Variants in LHFPL2 observed in about 807,000 individuals in gnomAD.
The protein encoded by LHFPL2 is LHFPL tetraspan subfamily member 2 protein.
A neutral mutation model predicts 17.5 loss-of-function variants in LHFPL2; 7 were observed. The observed-to-expected ratio is 0.40, with a 90% CI of 0.23 to 0.75. The LOEUF (loss-of-function observed/expected upper bound fraction) is 0.75. Among genes scored for constraint, LHFPL2 ranks in the 30% least tolerant of loss-of-function variants. LHFPL2 has a pLI of 0.37. For synonymous variants in LHFPL2, 134 were observed against 116.2 expected (o/e 1.15, Z -0.99); for missense variants, 241 against 294.8 (o/e 0.82, Z 1.34).
chr5:78,600,703 G>A (rs1743983025), intron 2 of LHFPL2, among the ~76,000 whole-genome samples: 1 of 152,158 alleles, frequency 6.6e-6, no homozygotes, highest in Non-Finnish European at 1.5e-5. Flanking sequence ...ACTGCAGCCT[G>A]GGCAACAAGA....
At chr5:78,525,149 C>A (rs78549564) in intron 3 of LHFPL2, among the ~76,000 whole-genome samples, 3,873 of 152,248 alleles carry the variant, frequency 0.025, 166 homozygotes, top group African/African-American at 0.087. Flanking sequence ...TTAGACACTG[C>A]TGAATGTTCC....
At chr5:78,558,253 T>G (rs1756633572) in intron 3 of LHFPL2, among the ~76,000 whole-genome samples, 2 of 152,250 alleles carry the variant, frequency 1.3e-5, no homozygotes. Context: ...ATACATTCGT[T>G]ATACAGGGAT....
Position 78,522,990 on chromosome 5 carries a change from G to T in LHFPL2, c.-185-12592C>A, listed in dbSNP as rs1163279971. On this transcript the variant is annotated intron_variant, in intron 3 of 4. Transcript: ENST00000380345. ...ATCTGTTGTATAACCCCAGATGGTCGCATAAAAACACTTCTTAATAGAAGT... is the reference window on the plus strand; with the variant it reads ...ATCTGTTGTATAACCCCAGATGGTCTCATAAAAACACTTCTTAATAGAAGT... Among the ~76,000 whole-genome samples, 3 of 152,114 alleles carry T rather than the reference G, an allele frequency of 2.0e-5. No homozygotes were observed. The East Asian group carries it at 5.8e-4, about 29-fold the overall frequency.
chr5:78,579,424 G>A (rs1376723233), intron 2 of LHFPL2, among the ~76,000 whole-genome samples: 2 of 152,070 alleles, frequency 1.3e-5, no homozygotes, highest in African/African-American at 4.8e-5. Context: ...CATGTGCCAT[G>A]CTGGTGCGCT....
At chr5:78,573,757 T>C (rs1264400632) in intron 2 of LHFPL2, among the ~76,000 whole-genome samples, 1 of 152,226 alleles carries the variant, frequency 6.6e-6, no homozygotes, top group Non-Finnish European at 1.5e-5. Flanking sequence ...CAAATAATTC[T>C]GGGGGAAAAA....
intron 3 of LHFPL2, among the ~76,000 whole-genome samples, chr5:78,554,215 A>G (rs1014132621): frequency 6.6e-6 from 1 of 152,258 alleles, no homozygotes; most frequent in African/African-American, 2.4e-5. Flanking sequence ...CTGCACCTCA[A>G]GCCCCCGTTC....
At chr5:78,540,087 AT>A (rs1756065592) in intron 3 of LHFPL2, among the ~76,000 whole-genome samples, 1 of 152,174 alleles carries the variant, frequency 6.6e-6, no homozygotes. Flanking sequence ...CACGTACACA[AT>A]TTTTCTTTCA....
At chr5:78,552,952 C>G (rs937990407) in intron 3 of LHFPL2, among the ~76,000 whole-genome samples, 2 of 152,194 alleles carry the variant, frequency 1.3e-5, no homozygotes, top group African/African-American at 4.8e-5. Flanking sequence ...CACAGAAGTT[C>G]TGCAGGCTCC....
Position 78,488,372 on chromosome 5 carries a change from CAA to C in LHFPL2, c.*523_*524del, listed in dbSNP as rs1754320612. The C allele has an allele frequency of 6.0e-6, 1 of 166,298 alleles. No individual in the cohort carries two copies. 10.3% of individuals were successfully genotyped at this position (166,298 alleles called of 1,614,324 possible). A position where few individuals can be genotyped will look rare whatever the true frequency, so the allele number is the denominator to read the frequency against. On this transcript the variant is annotated 3_prime_UTR_variant, in exon 5 of 5. Transcript: ENST00000380345. ...CTGCTGACCCCTTTGGTCAGCTAAG[CAA>C]AAGACAGTGTCTTGCTGTGCCCTTT...
At chr5:78,508,566 T>TG (rs1755006901) in intron 4 of LHFPL2, among the ~76,000 whole-genome samples, 2 of 152,194 alleles carry the variant, frequency 1.3e-5, no homozygotes, top group African/African-American at 2.4e-5. Context: ...ATCGGCTGTT[T>TG]GGGAAAAAAC....
intron 2 of LHFPL2, among the ~76,000 whole-genome samples, chr5:78,623,006 T>A (rs1479216156): frequency 6.6e-6 from 1 of 152,096 alleles, no homozygotes; most frequent in Non-Finnish European, 1.5e-5. Flanking sequence ...GGGGAGGAAA[T>A]CATCTAGAGG....
intron 3 of LHFPL2, among the ~76,000 whole-genome samples, chr5:78,553,478 C>T (rs1756498247): frequency 6.6e-6 from 1 of 152,166 alleles, no homozygotes; most frequent in Non-Finnish European, 1.5e-5. Context: ...GTTGCTCTAG[C>T]ATCACACAAT....
intron 2 of LHFPL2, among the ~76,000 whole-genome samples, chr5:78,604,276 G>C (rs996601364): frequency 1.3e-5 from 2 of 151,930 alleles, no homozygotes; most frequent in Non-Finnish European, 2.9e-5. Flanking sequence ...TCAGAAGTTC[G>C]ACACCAGCCT....
chr5:78,494,702 G>A (rs757928197), intron 4 of LHFPL2, among the ~76,000 whole-genome samples: 9 of 152,154 alleles, frequency 5.9e-5, no homozygotes, highest in Admixed American at 1.3e-4. Flanking sequence ...CCATCCCAGC[G>A]CAGCACCTGC....
intron 2 of LHFPL2, among the ~76,000 whole-genome samples, chr5:78,574,737 G>A (rs989787400): frequency 2.6e-5 from 4 of 152,216 alleles, no homozygotes; most frequent in Admixed American, 6.5e-5. Context: ...CAGATGGCTC[G>A]CTGAAACCTT....
At chr5:78,610,925 T>C (rs1744404305) in intron 2 of LHFPL2, among the ~76,000 whole-genome samples, 1 of 151,608 alleles carries the variant, frequency 6.6e-6, no homozygotes, top group South Asian at 2.1e-4. Context: ...AAAAAAGCAT[T>C]GCACGGGCAT....
chr5:78,489,782 TAA>T (rs760857658), intron 4 of LHFPL2, among the ~76,000 whole-genome samples: 2 of 152,220 alleles, frequency 1.3e-5, no homozygotes, highest in Non-Finnish European at 2.9e-5. Flanking sequence ...ACTTTATAAG[TAA>T]AGTTTTATTG....
chr5:78,489,407 G>A (rs1207504108), intron 4 of LHFPL2, among the ~76,000 whole-genome samples: 14 of 152,148 alleles, frequency 9.2e-5, no homozygotes, highest in African/African-American at 3.1e-4. Flanking sequence ...AAGCAAATTG[G>A]TACTTTTCTT....
intron 3 of LHFPL2, among the ~76,000 whole-genome samples, chr5:78,557,399 C>T (rs1756600097): frequency 6.6e-6 from 1 of 152,152 alleles, no homozygotes; most frequent in South Asian, 2.1e-4. Context: ...AAGCACTTGA[C>T]CACCACCCTG....
Sources: gnomAD v4.1 joint callset for allele counts (sites outside exome capture counted in the v4.1 genomes callset) on GRCh38, gnomAD v4.1.1 for gene constraint, MANE v1.5 for transcripts, NCBI Gene and HGNC (gene_info 2026-07-23, HGNC 2026-07-21) for gene names.